RALGPS2: variants seen among roughly 807,000 people sequenced by gnomAD.
RALGPS2 encodes ras-specific guanine nucleotide-releasing factor RalGPS2.
Under a neutral mutation model 86.8 loss-of-function variants are expected in RALGPS2, and 43 were observed. The observed-to-expected ratio is 0.50, with a 90% CI of 0.39 to 0.64. The LOEUF (loss-of-function observed/expected upper bound fraction) is 0.64. Ranked by LOEUF, RALGPS2 falls within the 30% of genes least tolerant of loss-of-function variation. RALGPS2 has a pLI of 0.00. For synonymous variants in RALGPS2, 243 were observed against 231.3 expected (o/e 1.05, Z -0.46); for missense variants, 536 against 694.6 (o/e 0.77, Z 2.57).
At chr1:178,825,468 G>A (rs1655704261) in intron 7 of RALGPS2, among the ~76,000 whole-genome samples, 1 of 152,086 alleles carries the variant, frequency 6.6e-6, no homozygotes, top group South Asian at 2.1e-4. Context: ...TAAGATCATT[G>A]GAGCAGAAGT....
intron 15 of RALGPS2, among the ~76,000 whole-genome samples, chr1:178,893,019 G>C (rs1659783070): frequency 6.6e-6 from 1 of 152,028 alleles, no homozygotes; most frequent in Non-Finnish European, 1.5e-5. Context: ...CTGGTTTATA[G>C]GTTCTTAAGT....
chr1:178,818,946 C>T (rs61212688), intron 6 of RALGPS2, among the ~76,000 whole-genome samples: 64 of 151,588 alleles, frequency 4.2e-4, no homozygotes, highest in African/African-American at 1.5e-3. Context: ...ACATCTTAGG[C>T]AGAAGCTACT....
intron 8 of RALGPS2, chr1:178,852,782 G>T: frequency 1.2e-6 from 2 of 1,613,908 alleles, no homozygotes; most frequent in South Asian, 2.2e-5. Context: ...CCCAGGCGCA[G>T]TCTATAGAAT....
chr1:178,917,728 G>A lies in RALGPS2; in HGVS notation c.*1369G>A, dbSNP rs1463959433. Reference sequence around the variant, plus strand: ...TAAATGTTGAATTATTAAAAAAAAAGTTTGAAGGTAAGATGCCTTAGAATT... The same window carrying A: ...TAAATGTTGAATTATTAAAAAAAAAATTTGAAGGTAAGATGCCTTAGAATT... On this transcript the variant is annotated 3_prime_UTR_variant, in exon 20 of 20. Transcript: ENST00000367635. 6.6e-6 allele frequency: 1 copy of A among 152,016 alleles called. No individual in the cohort carries two copies. Among genetic ancestry groups the A allele is most frequent in the East Asian group, 1.9e-4 (1 of 5,192 alleles). The allele number at this position is 152,016 out of a possible 1,614,324, so 9.4% of individuals were successfully genotyped here.
In RALGPS2 at chr1:178,808,685, A is replaced by G. The variant is rs74525614; in HGVS notation, c.297+557A>G. ...TTTTGCTGCTGCCTCAATTGAGGGA[A>G]TACATTATTCTAAGAGGCTTTTTGT... On this transcript the variant is annotated intron_variant, in intron 5 of 19. Transcript: ENST00000367635. 6.0e-3 allele frequency among the ~76,000 whole-genome samples: 906 copies of G among 152,168 alleles called. 15 individuals are homozygous for G. Among genetic ancestry groups the G allele is most frequent in the African/African-American group, 0.021 (879 of 41,524 alleles).
intron 7 of RALGPS2, among the ~76,000 whole-genome samples, chr1:178,831,963 G>A (rs12410841): frequency 2.8e-4 from 43 of 152,198 alleles, no homozygotes; most frequent in Admixed American, 7.2e-4. Context: ...GATTAGTTAC[G>A]AGTTCTAAGT....
intron 1 of RALGPS2, among the ~76,000 whole-genome samples, chr1:178,774,411 A>G (rs1443676357): frequency 6.6e-6 from 1 of 152,248 alleles, no homozygotes; most frequent in Non-Finnish European, 1.5e-5. Context: ...AAAGTAAGTT[A>G]AAGATATAAC....
rs140833884 is a variant in RALGPS2, at chr1:178,851,034, ATAAAT to A, written c.607+17486_607+17490del. ...CATTTTAAAAACTTTCTGTGTAGAA[ATAAAT>A]TGTGCCAAGTAATATACATGTAACA... On this transcript the variant is annotated intron_variant, in intron 8 of 19. Transcript: ENST00000367635. 1,350 of 1,191,610 alleles carry A rather than the reference ATAAAT, an allele frequency of 1.1e-3. 15 individuals carry two copies. In the African/African-American group the frequency reaches 0.019, roughly 17 times the overall value. The allele number at this position is 1,191,610 out of a possible 1,614,324, so 73.8% of individuals were successfully genotyped here.
chr1:178,907,075 CA>C (rs1660416771), intron 19 of RALGPS2, among the ~76,000 whole-genome samples: 1 of 152,174 alleles, frequency 6.6e-6, no homozygotes, highest in South Asian at 2.1e-4. Context: ...AAATTTCGAA[CA>C]GTCAGAACTA....
chr1:178,908,106 A>G (rs1227345607), intron 19 of RALGPS2, among the ~76,000 whole-genome samples: 1 of 152,104 alleles, frequency 6.6e-6, no homozygotes, highest in Non-Finnish European at 1.5e-5. Flanking sequence ...CACTCTGGTA[A>G]TGCTCAGTGT....
intron 8 of RALGPS2, among the ~76,000 whole-genome samples, chr1:178,861,028 G>C (rs1472282342): frequency 7.2e-5 from 11 of 152,150 alleles, no homozygotes. Flanking sequence ...ATTAGAATTT[G>C]AAAAGGATAT....
chr1:178,895,532 A>G (rs1288527030), intron 16 of RALGPS2, among the ~76,000 whole-genome samples: 3 of 152,104 alleles, frequency 2.0e-5, no homozygotes, highest in African/African-American at 7.2e-5. Context: ...ATGGCAAAAC[A>G]TTTGAGCTGA....
chr1:178,747,193 T>G, intron 1 of RALGPS2: 1 of 1,188,568 alleles, frequency 8.4e-7, no homozygotes, highest in African/African-American at 1.5e-5. Context: ...GTCCAGTGCC[T>G]GCACTACGGT....
intron 1 of RALGPS2, among the ~76,000 whole-genome samples, chr1:178,760,956 C>T (rs1329056331): frequency 6.6e-6 from 1 of 151,504 alleles, no homozygotes; most frequent in African/African-American, 2.4e-5. Flanking sequence ...TTACATAATC[C>T]CATATTTCTC....
intron 6 of RALGPS2, among the ~76,000 whole-genome samples, chr1:178,815,714 C>T (rs73037802): frequency 0.022 from 3,326 of 152,234 alleles, 143 homozygotes; most frequent in African/African-American, 0.076. Context: ...CTCATAAAGC[C>T]CTTCATGTTG....
At chr1:178,757,957 GT>G (rs1477199583) in intron 1 of RALGPS2, among the ~76,000 whole-genome samples, 5 of 152,002 alleles carry the variant, frequency 3.3e-5, no homozygotes, top group Non-Finnish European at 7.4e-5. Context: ...TACTTATTCA[GT>G]TTTGGAATTT....
chr1:178,794,922 G>A (rs1200831557), intron 4 of RALGPS2, among the ~76,000 whole-genome samples: 2 of 152,194 alleles, frequency 1.3e-5, no homozygotes, highest in South Asian at 2.1e-4. Flanking sequence ...GCTAACGCCT[G>A]TAATCTCAGC....
chr1:178,827,005 T>A (rs531828969), intron 7 of RALGPS2, among the ~76,000 whole-genome samples: 1 of 152,298 alleles, frequency 6.6e-6, no homozygotes, highest in African/African-American at 2.4e-5. Context: ...ATAAATGAAT[T>A]TAGTAACATT....
intron 6 of RALGPS2, among the ~76,000 whole-genome samples, chr1:178,812,094 G>A (rs1655013348): frequency 6.6e-6 from 1 of 152,122 alleles, no homozygotes; most frequent in African/African-American, 2.4e-5. Flanking sequence ...GAAAAGCATA[G>A]CAGATTTATT....
Sources: gnomAD v4.1 joint callset for allele counts (sites outside exome capture counted in the v4.1 genomes callset) on GRCh38, gnomAD v4.1.1 for gene constraint, MANE v1.5 for transcripts, NCBI Gene and HGNC (gene_info 2026-07-23, HGNC 2026-07-21) for gene names.